Variants in LRRC69 observed in about 807,000 individuals in gnomAD.
LRRC69 encodes leucine rich repeat containing 69, also known as leucine-rich repeat-containing protein 69.
Under a neutral mutation model 37.8 loss-of-function variants are expected in LRRC69, and 42 were observed. The observed-to-expected ratio is 1.11, with a 90% CI of 0.87 to 1.44. LRRC69 has a LOEUF of 1.44. Ranked by LOEUF, LRRC69 falls within the 40% of genes most tolerant of loss-of-function variation. LRRC69 has a pLI of 0.00. For missense variants in LRRC69, 357 were observed against 401.9 expected (o/e 0.89, Z 0.96); for synonymous variants, 141 against 143.1 (o/e 0.99, Z 0.11).
chr8:91,124,434 CTT>C (rs1046611147), intron 1 of LRRC69, 57 bp from the exon 2 acceptor site: 3 of 1,359,630 alleles, frequency 2.2e-6, no homozygotes, highest in Non-Finnish European at 2.9e-6. Flanking sequence ...TAAATTATTT[CTT>C]TTTTTCATTT....
At chr8:91,178,914 C>G (rs1049420994) in intron 5 of LRRC69, among the ~76,000 whole-genome samples, 1 of 152,008 alleles carries the variant, frequency 6.6e-6, no homozygotes, top group Non-Finnish European at 1.5e-5. Flanking sequence ...ACCCTGAATG[C>G]TTTTTCTTCT....
At chr8:91,113,299 C>T (rs1261068160) in intron 1 of LRRC69, among the ~76,000 whole-genome samples, 10 of 151,920 alleles carry the variant, frequency 6.6e-5, no homozygotes, top group Admixed American at 6.6e-4. Context: ...GGCATTATAC[C>T]TCCTGATTTC....
chr8:91,203,041 G>T (rs900433742), intron 7 of LRRC69, among the ~76,000 whole-genome samples: 5 of 152,064 alleles, frequency 3.3e-5, no homozygotes, highest in Non-Finnish European at 7.4e-5. Flanking sequence ...AAATAGGGAA[G>T]ACTAAGGGAG....
chr8:91,207,845 AG>A (rs1809832407), intron 7 of LRRC69, among the ~76,000 whole-genome samples: 1 of 152,234 alleles, frequency 6.6e-6, no homozygotes, highest in Non-Finnish European at 1.5e-5. Context: ...ATAAGTTGCT[AG>A]GGCTGTATAA....
At chr8:91,102,964 G>A (rs1813247555) in intron 1 of LRRC69, 120 bp downstream of exon 1, 2 of 948,858 alleles carry the variant, frequency 2.1e-6, no homozygotes, top group Admixed American at 3.1e-5. Flanking sequence ...GGTATCTGGA[G>A]ACTTAATGTG....
chr8:91,143,791 GA>G (rs777224004), intron 5 of LRRC69, among the ~76,000 whole-genome samples: 1 of 149,938 alleles, frequency 6.7e-6, no homozygotes, highest in African/African-American at 2.4e-5. Context: ...AACACAGGAG[GA>G]AAAAAAAATG....
chr8:91,186,115 G>A (rs1229247793), intron 5 of LRRC69, among the ~76,000 whole-genome samples: 3 of 152,142 alleles, frequency 2.0e-5, no homozygotes, highest in Non-Finnish European at 2.9e-5. Flanking sequence ...TCTTGAGTGC[G>A]CAGGGAGAAG....
At chr8:91,197,575 C>A (rs957391154) in intron 6 of LRRC69, among the ~76,000 whole-genome samples, 3 of 152,098 alleles carry the variant, frequency 2.0e-5, no homozygotes, top group Non-Finnish European at 2.9e-5. Flanking sequence ...GTCGGAAAAG[C>A]GCAGTATTAG....
At chr8:91,172,347 C>G (rs1809148258) in intron 5 of LRRC69, among the ~76,000 whole-genome samples, 2 of 152,110 alleles carry the variant, frequency 1.3e-5, no homozygotes, top group East Asian at 3.9e-4. Flanking sequence ...AATTATGCTT[C>G]AGGAAACTTC....
chr8:91,176,132 A>ATATATATATG (rs1563614738), intron 5 of LRRC69, among the ~76,000 whole-genome samples: 1 of 15,194 alleles, frequency 6.6e-5, no homozygotes, highest in Non-Finnish European at 1.4e-4. Context: ...ATATATATAT[A>ATATATATATG]TATTTTTTTT....
intron 5 of LRRC69, among the ~76,000 whole-genome samples, chr8:91,147,762 A>C (rs191311705): frequency 1.7e-3 from 259 of 151,886 alleles, no homozygotes; most frequent in African/African-American, 6.0e-3. Flanking sequence ...GGTTTGTTAC[A>C]TAGGTAAACC....
rs576934491 is a variant in LRRC69, at chr8:91,197,477, G to T, written c.754-3136G>T. On this transcript the variant is annotated intron_variant, in intron 6 of 7. Coordinates refer to ENST00000448384, the Ensembl canonical transcript of LRRC69. ...CCTCGCAGTTTGATCTCAGACTGCT[G>T]TGCTAGCAATCAGCGAGACTCCGTG... 2.6e-5 allele frequency among the ~76,000 whole-genome samples: 4 copies of T among 152,122 alleles called. No homozygotes were observed. The South Asian group carries it at 8.3e-4, about 32-fold the overall frequency.
At chr8:91,204,137 A>T (rs1809759664) in intron 7 of LRRC69, among the ~76,000 whole-genome samples, 2 of 151,902 alleles carry the variant, frequency 1.3e-5, no homozygotes, top group Non-Finnish European at 2.9e-5. Context: ...AAAAAAAAAA[A>T]AAAAGATTTC....
At chr8:91,206,582 G>T (rs1341903917) in intron 7 of LRRC69, 2 of 841,564 alleles carry the variant, frequency 2.4e-6, no homozygotes, top group Non-Finnish European at 3.3e-6. Flanking sequence ...GCTTTCCACT[G>T]GTGATGTTCT....
intron 5 of LRRC69, among the ~76,000 whole-genome samples, chr8:91,144,266 A>AC (rs575178801): frequency 4.9e-4 from 74 of 152,100 alleles, no homozygotes; most frequent in African/African-American, 1.7e-3. Flanking sequence ...ACTGATCTGT[A>AC]CCCAAGGGTG....
chr8:91,198,004 TAAAG>T (rs1809647085), intron 6 of LRRC69, among the ~76,000 whole-genome samples: 2 of 152,286 alleles, frequency 1.3e-5, no homozygotes, highest in Middle Eastern at 3.4e-3. Context: ...GATTTGTACT[TAAAG>T]TAAGAGTTAT....
chr8:91,188,694 A>G (rs1809442177), intron 5 of LRRC69, among the ~76,000 whole-genome samples: 1 of 152,138 alleles, frequency 6.6e-6, no homozygotes, highest in South Asian at 2.1e-4. Flanking sequence ...AGAGAGTAAG[A>G]CATTGTCTTT....
At chr8:91,187,099 CCTCA>C (rs1270965180) in intron 5 of LRRC69, among the ~76,000 whole-genome samples, 1 of 152,156 alleles carries the variant, frequency 6.6e-6, no homozygotes, top group African/African-American at 2.4e-5. Context: ...TAAGGAGCTT[CCTCA>C]GTCTTCACTT....
intron 6 of LRRC69, among the ~76,000 whole-genome samples, chr8:91,199,427 T>A (rs778350458): frequency 7.9e-5 from 12 of 152,118 alleles, no homozygotes; most frequent in Non-Finnish European, 1.8e-4. Context: ...CTCGGGTGCT[T>A]GTTTATTGGG....
Sources: allele counts gnomAD v4.1 joint callset (sites outside exome capture counted in the v4.1 genomes callset), GRCh38; gene constraint gnomAD v4.1.1; transcripts MANE v1.5; gene names NCBI Gene and HGNC (gene_info 2026-07-23, HGNC 2026-07-21).